Variants in APP observed in about 807,000 individuals in gnomAD.
APP encodes amyloid beta precursor protein.
A neutral mutation model predicts 101.4 loss-of-function variants in APP; 31 were observed. The observed-to-expected ratio is 0.31, with a 90% CI of 0.23 to 0.41. The LOEUF is 0.41. Among genes scored for constraint, APP ranks in the 10% least tolerant of loss-of-function variants. APP has a pLI of 1.00. For synonymous variants in APP, 366 were observed against 364.4 expected, an observed-to-expected ratio of 1.00 and a Z score of -0.05; for missense variants, 839 against 1,003.7, an observed-to-expected ratio of 0.84 and a Z score of 2.22.
At chr21:26,147,265 T>C (rs1386312679) in intron 1 of APP, among the ~76,000 whole-genome samples, 1 of 152,224 alleles carries the variant, frequency 6.6e-6, no homozygotes, top group Non-Finnish European at 1.5e-5. Flanking sequence ...CACACTGGTA[T>C]GTTTTTATGT....
rs3787647 is a variant in APP, at chr21:26,083,952, T to C, written c.355+5991A>G. On this transcript the variant is annotated intron_variant, in intron 3 of 17. Coordinates refer to ENST00000346798, the MANE Select transcript of APP (RefSeq NM_000484.4). Reference sequence around the variant, plus strand: ...GAGCTCTTATCAATCAAAACATTAGTTGTTAAAAGTCCCAGAAAGAGGACA... The same window carrying C: ...GAGCTCTTATCAATCAAAACATTAGCTGTTAAAAGTCCCAGAAAGAGGACA... Among the ~76,000 whole-genome samples the C allele has an allele frequency of 7.2e-5, 11 of 152,250 alleles. No individual in the cohort carries two copies. The East Asian group carries it at 1.5e-3, about 21-fold the overall frequency.
chr21:25,955,396 CAGTT>C (rs1343435961), intron 12 of APP, among the ~76,000 whole-genome samples: 1 of 152,142 alleles, frequency 6.6e-6, no homozygotes, highest in Non-Finnish European at 1.5e-5. Flanking sequence ...CCTTAGCAAT[CAGTT>C]AGCAGTAGAC....
At chr21:25,882,671 G>T (rs928611253) in intron 17 of APP, among the ~76,000 whole-genome samples, 1 of 152,018 alleles carries the variant, frequency 6.6e-6, no homozygotes, top group Non-Finnish European at 1.5e-5. Context: ...GTTCGCAGAA[G>T]AGAGGAGGTC....
At chr21:26,000,703 T>C (rs1360497390) in intron 6 of APP, among the ~76,000 whole-genome samples, 2 of 152,148 alleles carry the variant, frequency 1.3e-5, no homozygotes, top group African/African-American at 4.8e-5. Flanking sequence ...GTCCATTGAC[T>C]TTATCTGGAA....
intron 12 of APP, 23 bp from the exon 13 acceptor site, chr21:25,954,712 C>T (rs1293454502): frequency 6.3e-7 from 1 of 1,578,282 alleles, no homozygotes; most frequent in Non-Finnish European, 8.7e-7. Context: ...ATGACAACTC[C>T]AGGTCAACAA....
intron 11 of APP, among the ~76,000 whole-genome samples, chr21:25,971,117 G>A (rs963047680): frequency 3.3e-5 from 5 of 151,630 alleles, no homozygotes; most frequent in African/African-American, 4.9e-5. Flanking sequence ...GCACAATCTC[G>A]GCTCACTGCA....
chr21:25,920,386 T>G (rs2039572067), intron 13 of APP, among the ~76,000 whole-genome samples: 1 of 152,106 alleles, frequency 6.6e-6, no homozygotes, highest in Non-Finnish European at 1.5e-5. Flanking sequence ...AGTATTAACT[T>G]TAAATGTAAA....
chr21:25,908,985 C>T lies in APP; in HGVS notation c.1909+2756G>A, dbSNP rs540208483. Among the ~76,000 whole-genome samples, 134 of 152,138 alleles carry T rather than the reference C, an allele frequency of 8.8e-4. 5 individuals are homozygous for T. The South Asian group carries it at 0.014, about 16-fold the overall frequency. On this transcript the variant is annotated intron_variant, in intron 14 of 17. Coordinates refer to ENST00000346798, the MANE Select transcript of APP (RefSeq NM_000484.4). ...ATTTTATTTAAAAACCAATTGGGGC[C>T]GGGCGCCGTGGCTCATGCCTGTAAT...
In APP at chr21:25,891,782, G is replaced by T. The variant is rs1569014165; in HGVS notation, c.2151C>A (p.Val717=). The change falls in exon 17 of 18, where the codon GTC becomes GTA. Residue 717 remains valine (V), a synonymous_variant. Transcript: ENST00000346798. The part of the protein sequence containing the change: ...VGGVVIATVI[V]ITLVMLKKKQ... ...TCTTCTTCAGCATCACCAAGGTGAT[G>T]ACGATCACTGTCGCTATGACAACAC... 1 of 1,614,152 alleles carries T rather than the reference G, an allele frequency of 6.2e-7. No homozygotes were observed. Among genetic ancestry groups the T allele is most frequent in the Non-Finnish European group, 8.5e-7 (1 of 1,179,990 alleles).
chr21:26,163,065 T>TAAAAAAA (rs140862192), intron 1 of APP, among the ~76,000 whole-genome samples: 2 of 123,502 alleles, frequency 1.6e-5, no homozygotes, highest in African/African-American at 3.0e-5. Context: ...CTGTCTCTAC[T>TAAAAAAA]AAAAAAAAAA....
chr21:26,047,957 A>T (rs2045678444), intron 5 of APP, among the ~76,000 whole-genome samples: 1 of 152,240 alleles, frequency 6.6e-6, no homozygotes, highest in Admixed American at 6.5e-5. Flanking sequence ...TACTGGATTA[A>T]ATAAAATGTT....
At chr21:25,990,283 G>T (rs953914392) in intron 8 of APP, among the ~76,000 whole-genome samples, 6 of 152,110 alleles carry the variant, frequency 3.9e-5, no homozygotes, top group African/African-American at 1.4e-4. Flanking sequence ...TATGTCCATG[G>T]ACACATACTG....
At chr21:26,018,771 T>G (rs1346146271) in intron 6 of APP, among the ~76,000 whole-genome samples, 1 of 152,228 alleles carries the variant, frequency 6.6e-6, no homozygotes. Context: ...TTTCAGAAGG[T>G]TGCTTTTGTT....
At chr21:25,980,110 A>G (rs1466472788) in intron 9 of APP, among the ~76,000 whole-genome samples, 1 of 152,198 alleles carries the variant, frequency 6.6e-6, no homozygotes, top group Non-Finnish European at 1.5e-5. Flanking sequence ...GATGAGATGA[A>G]CAGACGATGA....
chr21:26,045,975 T>C (rs1163759092), intron 5 of APP, among the ~76,000 whole-genome samples: 1 of 152,076 alleles, frequency 6.6e-6, no homozygotes, highest in African/African-American at 2.4e-5. Flanking sequence ...AGTCATGTCT[T>C]ACATGTATGG....
At chr21:25,987,141 A>G (rs2042670205) in intron 8 of APP, among the ~76,000 whole-genome samples, 1 of 152,190 alleles carries the variant, frequency 6.6e-6, no homozygotes, top group Admixed American at 6.5e-5. Flanking sequence ...CTTGTTTTCT[A>G]TGAAACAGCT....
rs34978520 is a variant in APP at position 25,943,163 on chromosome 21, C to CT, written c.1687+11426dup. Reference sequence around the variant, plus strand: ...TAAAGCAAGCATCATATATATACTTCTTTTTTTTTGAGATGGAGTTTCGCT... The same window carrying CT: ...TAAAGCAAGCATCATATATATACTTCTTTTTTTTTTGAGATGGAGTTTCGCT... On this transcript the variant is annotated intron_variant, in intron 13 of 17. Coordinates refer to ENST00000346798, the MANE Select transcript of APP (RefSeq NM_000484.4). The CT allele has an allele frequency of 2.4e-3, 361 of 151,886 alleles. 1 individual carries two copies. The highest frequency in any genetic ancestry group is 8.3e-3 in the African/African-American group (342 of 41,350). 9.4% of individuals were successfully genotyped at this position (151,886 alleles called of 1,614,324 possible).
intron 3 of APP, among the ~76,000 whole-genome samples, chr21:26,080,007 C>T (rs2146072805): frequency 6.6e-6 from 1 of 152,190 alleles, no homozygotes; most frequent in Admixed American, 6.5e-5. Context: ...GCCTGTAATC[C>T]CAGCTACTCG....
intron 3 of APP, among the ~76,000 whole-genome samples, chr21:26,079,290 T>C (rs17001672): frequency 0.049 from 7,390 of 152,154 alleles, 530 homozygotes; most frequent in African/African-American, 0.16. Flanking sequence ...TTTGTAATCA[T>C]TTACCTCAGA....
Sources: gnomAD v4.1 joint callset for allele counts (sites outside exome capture counted in the v4.1 genomes callset) on GRCh38, gnomAD v4.1.1 for gene constraint, MANE v1.5 for transcripts, NCBI Gene and HGNC (gene_info 2026-07-23, HGNC 2026-07-21) for gene names.